The following ME2 variants were observed in gnomAD, a reference collection of about 807,000 sequenced individuals.
ME2 encodes the protein malic enzyme 2.
In ME2, 60 loss-of-function variants were observed where a neutral mutation model predicts 73.7. That is an observed-to-expected ratio of 0.81 (90% CI 0.66 to 1.01). The LOEUF is 1.01. Ranked by LOEUF, ME2 falls within the 50% of genes least tolerant of loss-of-function variation. ME2 has a pLI of 0.00. For missense variants in ME2, 594 were observed against 705.5 expected, an observed-to-expected ratio of 0.84 and a Z score of 1.79; for synonymous variants, 199 against 236.9, an observed-to-expected ratio of 0.84 and a Z score of 1.47.
chr18:50,924,975 A>T (rs1917513390), intron 11 of ME2, among the ~76,000 whole-genome samples: 1 of 152,052 alleles, frequency 6.6e-6, no homozygotes, highest in African/African-American at 2.4e-5. Flanking sequence ...AAATAAAAAT[A>T]AACAACCCCC....
intron 12 of ME2, among the ~76,000 whole-genome samples, chr18:50,926,236 T>C (rs1475464624): frequency 6.6e-6 from 1 of 152,234 alleles, no homozygotes; most frequent in East Asian, 1.9e-4. Flanking sequence ...CAAGTGCTTC[T>C]ACCTAGGATC....
chr18:50,885,184 A>C (rs687545), intron 1 of ME2, among the ~76,000 whole-genome samples: 84 of 152,238 alleles, frequency 5.5e-4, no homozygotes, highest in Admixed American at 1.2e-3. Context: ...AAATAATGCT[A>C]TCTCTCCTGG....
intron 5 of ME2, chr18:50,917,026 G>A (rs1917301982): frequency 5.6e-6 from 1 of 177,966 alleles, no homozygotes; most frequent in African/African-American, 2.4e-5. Flanking sequence ...TTTCTCTTAT[G>A]GTAATCTCTC....
intron 1 of ME2, among the ~76,000 whole-genome samples, chr18:50,894,924 TA>T (rs1187629057): frequency 6.6e-6 from 1 of 151,208 alleles, no homozygotes; most frequent in Admixed American, 6.6e-5. Context: ...TTGTTCAGTT[TA>T]AAATGGTTAC....
intron 6 of ME2, 77 bp downstream of exon 6, chr18:50,917,585 G>A: frequency 2.8e-6 from 3 of 1,067,332 alleles, no homozygotes; most frequent in Non-Finnish European, 3.8e-6. Context: ...TTTTGAAAAT[G>A]ATAATTTAAG....
intron 2 of ME2, among the ~76,000 whole-genome samples, chr18:50,902,990 C>T (rs946361478): frequency 3.9e-5 from 6 of 151,990 alleles, no homozygotes; most frequent in East Asian, 1.9e-4. Context: ...AATATTGACT[C>T]GTGGAGAAAC....
intron 12 of ME2, among the ~76,000 whole-genome samples, chr18:50,928,871 A>G (rs1368788263): frequency 6.6e-6 from 1 of 152,098 alleles, no homozygotes. Flanking sequence ...ACAGCTTTTG[A>G]TTTGGAAATC....
At chr18:50,896,319 A>G (rs1916744308) in intron 2 of ME2, among the ~76,000 whole-genome samples, 2 of 152,210 alleles carry the variant, frequency 1.3e-5, no homozygotes, top group East Asian at 1.9e-4. Context: ...AAATTGTGAA[A>G]TGAACCTTTA....
chr18:50,945,982 G>A (rs995777740), intron 15 of ME2, among the ~76,000 whole-genome samples: 3 of 152,072 alleles, frequency 2.0e-5, no homozygotes, highest in African/African-American at 7.2e-5. Flanking sequence ...CAGGAGAATC[G>A]CTTGAACCCA....
At chr18:50,932,204 AT>A in intron 12 of ME2, 53 bp from the exon 13 acceptor site, 1 of 1,506,500 alleles carries the variant, frequency 6.6e-7, no homozygotes, top group South Asian at 1.2e-5. Flanking sequence ...ATTCACCTCA[AT>A]TTTCTCATCC....
rs1917481625 is a variant in ME2 at position 50,923,764 on chromosome 18, T to C, written c.1057-334T>C. On this transcript the variant is annotated intron_variant, in intron 10 of 15. Coordinates refer to ENST00000321341, the MANE Select transcript of ME2 (RefSeq NM_002396.5). Reference sequence around the variant, plus strand: ...TAAATAAATCAAATTAAATTAAATATGAAAATTTCTTAATTCCAAAACTCA... The same window carrying C: ...TAAATAAATCAAATTAAATTAAATACGAAAATTTCTTAATTCCAAAACTCA... 3.9e-5 allele frequency among the ~76,000 whole-genome samples: 6 copies of C among 152,264 alleles called. No homozygotes were observed. The South Asian group carries it at 1.0e-3, about 26-fold the overall frequency.
intron 15 of ME2, among the ~76,000 whole-genome samples, 198 bp downstream of exon 15, chr18:50,940,584 C>T (rs1917923842): frequency 1.3e-5 from 2 of 152,190 alleles, no homozygotes; most frequent in Admixed American, 6.5e-5. Flanking sequence ...TTTGCAAACA[C>T]ATACATGCAT....
intron 12 of ME2, among the ~76,000 whole-genome samples, chr18:50,929,510 A>C (rs984740158): frequency 1.3e-5 from 2 of 151,728 alleles, no homozygotes; most frequent in African/African-American, 4.8e-5. Flanking sequence ...AACCAACAAA[A>C]AAACAACCTT....
At chr18:50,899,567 G>C (rs373404739) in intron 2 of ME2, among the ~76,000 whole-genome samples, 20 of 152,150 alleles carry the variant, frequency 1.3e-4, no homozygotes, top group Non-Finnish European at 5.9e-5. Context: ...CAGTGAGATC[G>C]TGCCACTGCA....
At chr18:50,917,906 G>A (rs189227651) in intron 6 of ME2, among the ~76,000 whole-genome samples, 7 of 151,376 alleles carry the variant, frequency 4.6e-5, no homozygotes, top group Admixed American at 2.0e-4. Flanking sequence ...AAAAGACAGA[G>A]GTTGCAGTGA....
intron 4 of ME2, among the ~76,000 whole-genome samples, chr18:50,913,751 A>G (rs951280331): frequency 6.6e-6 from 1 of 152,028 alleles, no homozygotes; most frequent in African/African-American, 2.4e-5. Flanking sequence ...GAGTCGCGTG[A>G]TCCCCATGAA....
intron 1 of ME2, among the ~76,000 whole-genome samples, chr18:50,886,856 G>T (rs1468877813): frequency 6.6e-6 from 1 of 152,086 alleles, no homozygotes; most frequent in Admixed American, 6.5e-5. Flanking sequence ...CAAAAAATTA[G>T]CCGGGCATGG....
At position 50,950,467 on chromosome 18, in the gene ME2, C is replaced by CCTTTTTTTT. The variant is rs1320031263; in HGVS notation, c.*3283_*3284insCTTTTTTTT. 3 of 45,074 alleles carry CCTTTTTTTT rather than the reference C, an allele frequency of 6.7e-5. No homozygotes were observed. The highest frequency in any genetic ancestry group is 2.7e-4 in the African/African-American group (3 of 11,286). The allele number at this position is 45,074 out of a possible 1,614,324, so 2.8% of individuals were successfully genotyped here. A position where few individuals can be genotyped will look rare whatever the true frequency, so the allele number is the denominator to read the frequency against. ...GCCTGGGGTGGGGCCTCAGATTCTGCTTTTTTTTTTTTTTTTTTTTTTTTT... is the reference window on the plus strand; with the variant it reads ...GCCTGGGGTGGGGCCTCAGATTCTGCCTTTTTTTTTTTTTTTTTTTTTTTTTTTTTTTTT... On this transcript the variant is annotated 3_prime_UTR_variant, in exon 16 of 16. Transcript: ENST00000321341.
At chr18:50,919,389 T>A (rs1917366223) in intron 7 of ME2, among the ~76,000 whole-genome samples, 1 of 152,216 alleles carries the variant, frequency 6.6e-6, no homozygotes, top group Admixed American at 6.5e-5. Flanking sequence ...TAATTCCTTT[T>A]CAGAGTCAAA....
Sources: allele counts gnomAD v4.1 joint callset (sites outside exome capture counted in the v4.1 genomes callset), GRCh38; gene constraint gnomAD v4.1.1; transcripts MANE v1.5; gene names NCBI Gene and HGNC (gene_info 2026-07-23, HGNC 2026-07-21).